AGAP1: variants seen among roughly 807,000 people sequenced by gnomAD.
AGAP1 encodes ArfGAP with GTPase domain, ankyrin repeat and PH domain 1, also known as arf-GAP with GTPase, ANK repeat and PH domain-containing protein 1.
A neutral mutation model predicts 105.3 loss-of-function variants in AGAP1; 29 were observed. The ratio of observed to expected loss-of-function variants is 0.28; its 90% CI spans 0.21 to 0.38. The LOEUF (loss-of-function observed/expected upper bound fraction) is 0.38. AGAP1 is among the 10% of genes least tolerant of loss of function. The pLI is 1.00. For synonymous variants in AGAP1, 509 were observed against 485.9 expected, an observed-to-expected ratio of 1.05 and a Z score of -0.63; for missense variants, 998 against 1,165.1, an observed-to-expected ratio of 0.86 and a Z score of 2.09.
intron 6 of AGAP1, among the ~76,000 whole-genome samples, chr2:235,764,680 C>T (rs1954770545): frequency 6.9e-6 from 1 of 145,846 alleles, no homozygotes. Flanking sequence ...GTGGGGGCAT[C>T]TGGGAGCGCC....
intron 1 of AGAP1, among the ~76,000 whole-genome samples, chr2:235,674,448 T>A (rs926726721): frequency 6.6e-6 from 1 of 152,240 alleles, no homozygotes; most frequent in Non-Finnish European, 1.5e-5. Context: ...TGGAACCAGC[T>A]GTGCTGTGAG....
chr2:236,059,700 A>G (rs976979066), intron 16 of AGAP1, among the ~76,000 whole-genome samples: 1 of 152,224 alleles, frequency 6.6e-6, no homozygotes, highest in African/African-American at 2.4e-5. Flanking sequence ...AAAAGATGCC[A>G]AGACATCTTC....
In AGAP1 at chr2:236,101,150, C is replaced by A. The variant is rs147648522; in HGVS notation, c.2115-19042C>A. Among the ~76,000 whole-genome samples the A allele has an allele frequency of 3.9e-5, 6 of 152,206 alleles. No individual in the cohort carries two copies. The highest frequency in any genetic ancestry group is 2.0e-4 in the Admixed American group (3 of 15,266). On this transcript the variant is annotated intron_variant, in intron 16 of 17. Transcript: ENST00000304032. The surrounding 1 kb of genome is among the most constrained non-coding windows in gnomAD (Gnocchi z 4.9). Reference sequence around the variant, plus strand: ...TTCAATGTGTTTCCCTTTGGTTATTCCCCACTCCCATGCCTGTCCTCTCTT... The same window carrying A: ...TTCAATGTGTTTCCCTTTGGTTATTACCCACTCCCATGCCTGTCCTCTCTT...
chr2:235,760,138 T>C (rs1296465212), intron 6 of AGAP1, among the ~76,000 whole-genome samples: 1 of 152,154 alleles, frequency 6.6e-6, no homozygotes, highest in Admixed American at 6.5e-5. Flanking sequence ...CTAAGCACTT[T>C]GGGAGGCTGA....
chr2:235,847,883 T>C (rs1261981038), intron 9 of AGAP1, among the ~76,000 whole-genome samples: 1 of 152,240 alleles, frequency 6.6e-6, no homozygotes, highest in East Asian at 1.9e-4. Context: ...TGATGGATCT[T>C]ACCAGGCGGC....
At chr2:235,763,746 T>G (rs997742954) in intron 6 of AGAP1, among the ~76,000 whole-genome samples, 2 of 152,218 alleles carry the variant, frequency 1.3e-5, no homozygotes, top group Admixed American at 6.5e-5. Flanking sequence ...ACAGAAGTAT[T>G]ATTTCATGTA....
intron 1 of AGAP1, among the ~76,000 whole-genome samples, chr2:235,554,175 A>G (rs1053385536): frequency 6.6e-6 from 1 of 152,268 alleles, no homozygotes; most frequent in African/African-American, 2.4e-5. Context: ...TTAATTTGGC[A>G]GGTAATTAGG....
At chr2:235,638,421 A>T (rs1399121521) in intron 1 of AGAP1, among the ~76,000 whole-genome samples, 1 of 152,196 alleles carries the variant, frequency 6.6e-6, no homozygotes, top group Non-Finnish European at 1.5e-5. Flanking sequence ...AGTCGTGGGG[A>T]AAACTGCAGT....
chr2:235,637,730 A>G (rs1274533138), intron 1 of AGAP1, among the ~76,000 whole-genome samples: 3 of 152,194 alleles, frequency 2.0e-5, no homozygotes, highest in East Asian at 1.9e-4. Context: ...AAGCAGAACC[A>G]TATGGAAGAG....
At chr2:235,543,155 G>GGTGTTGA (rs1943509345) in intron 1 of AGAP1, among the ~76,000 whole-genome samples, 1 of 140,916 alleles carries the variant, frequency 7.1e-6, no homozygotes, top group African/African-American at 2.6e-5. Flanking sequence ...TTGGGTGTTG[G>GGTGTTGA]GTGTTGAGTA....
At position 235,801,801 on chromosome 2, in the gene AGAP1, G is replaced by A. The variant is rs1317703646; in HGVS notation, c.957+2279G>A. Among the ~76,000 whole-genome samples the A allele has an allele frequency of 1.3e-5, 2 of 152,240 alleles. No homozygotes were observed. Among genetic ancestry groups the A allele is most frequent in the South Asian group, 2.1e-4 (1 of 4,810 alleles). ...CTTTGTTAAGGGAGTGGAAGGGGGAGAGCACTCATTCTCAGACGCCTTCTG... is the reference window on the plus strand; with the variant it reads ...CTTTGTTAAGGGAGTGGAAGGGGGAAAGCACTCATTCTCAGACGCCTTCTG... On this transcript the variant is annotated intron_variant, in intron 8 of 17. Coordinates refer to ENST00000304032, the MANE Select transcript of AGAP1 (RefSeq NM_001037131.3). The surrounding 1 kb of genome is among the most constrained non-coding windows in gnomAD (Gnocchi z 6.0).
intron 16 of AGAP1, among the ~76,000 whole-genome samples, chr2:236,088,236 G>T (rs896843157): frequency 6.6e-6 from 1 of 152,184 alleles, no homozygotes; most frequent in Non-Finnish European, 1.5e-5. Flanking sequence ...ACTGAGAGAG[G>T]CCAGCGCTGT....
intron 1 of AGAP1, among the ~76,000 whole-genome samples, chr2:235,681,450 C>T (rs1366428162): frequency 6.6e-6 from 1 of 152,172 alleles, no homozygotes; most frequent in Non-Finnish European, 1.5e-5. Flanking sequence ...GTCCTGTCAC[C>T]TTTCCTCCAG....
intron 1 of AGAP1, among the ~76,000 whole-genome samples, chr2:235,651,217 AGAG>A (rs1489078040): frequency 7.7e-6 from 1 of 130,202 alleles, no homozygotes; most frequent in Non-Finnish European, 1.6e-5. Context: ...AAAAAAAAAA[AGAG>A]ACACCCTTGC....
At position 235,563,196 on chromosome 2, in the gene AGAP1, C is replaced by T. The variant is rs554230519; in HGVS notation, c.163+68347C>T. ...TGCAGCCCCAGCATCTCATGCCTCG[C>T]ACCCTCCGAGCTGCCTGGCCTTGGC... is the stretch of plus-strand genomic sequence containing the variant. On this transcript the variant is annotated intron_variant, in intron 1 of 17. Transcript: ENST00000304032. 2.6e-5 allele frequency among the ~76,000 whole-genome samples: 4 copies of T among 152,344 alleles called. No homozygotes were observed. The South Asian group carries it at 6.2e-4, about 24-fold the overall frequency.
rs1291511118 is a variant in AGAP1 at position 235,752,190 on chromosome 2, T to C, written c.673+1702T>C. ...TTTTCATAAATAGACTTTTCTTCTT[T>C]TTTTTGGAGACAGAGTCTAGCTCTT... is the stretch of plus-strand genomic sequence containing the variant. On this transcript the variant is annotated intron_variant, in intron 6 of 17. Transcript: ENST00000304032. The surrounding 1 kb of genome is among the most constrained non-coding windows in gnomAD (Gnocchi z 4.3). Among the ~76,000 whole-genome samples the C allele has an allele frequency of 6.6e-6, 1 of 152,216 alleles. No homozygotes were observed. The highest frequency in any genetic ancestry group is 1.5e-5 in the Non-Finnish European group (1 of 68,034).
Position 235,982,640 on chromosome 2 carries a change from T to G in AGAP1, c.1645+14017T>G, listed in dbSNP as rs2055147036. Among the ~76,000 whole-genome samples the G allele has an allele frequency of 6.6e-6, 1 of 152,244 alleles. No individual in the cohort carries two copies. The highest frequency in any genetic ancestry group is 2.4e-5 in the African/African-American group (1 of 41,464). On this transcript the variant is annotated intron_variant, in intron 13 of 17. Transcript: ENST00000304032. This position sits in a 1 kb window ranked among gnomAD's most constrained non-coding sequence, Gnocchi z 4.9. The stretch of plus-strand genomic sequence containing the variant: ...GAGAAGGTTTAGGCCCTGTTTCTTT[T>G]CGAGCAGCACAGAAATACTTGCCCA...
rs1261356971 is a variant in AGAP1, at chr2:235,882,653, A to G, written c.1051-692A>G. Among the ~76,000 whole-genome samples the G allele has an allele frequency of 6.6e-6, 1 of 152,144 alleles. No homozygotes were observed. Among genetic ancestry groups the G allele is most frequent in the East Asian group, 1.9e-4 (1 of 5,184 alleles). On this transcript the variant is annotated intron_variant, in intron 9 of 17. Coordinates refer to ENST00000304032, the MANE Select transcript of AGAP1 (RefSeq NM_001037131.3). This position sits in a 1 kb window ranked among gnomAD's most constrained non-coding sequence, Gnocchi z 4.6. ...TAATTTTTGTATTTTTAGTAGAGAC[A>G]GGGTTTCACCAATATTGGCCATGGT...
chr2:235,836,646 A>G (rs927997616), intron 9 of AGAP1, among the ~76,000 whole-genome samples: 4 of 152,238 alleles, frequency 2.6e-5, no homozygotes, highest in East Asian at 1.9e-4. Context: ...GATCTGTGTC[A>G]TGCTTCAGGG....
Sources: allele counts gnomAD v4.1 joint callset (sites outside exome capture counted in the v4.1 genomes callset), GRCh38; gene constraint gnomAD v4.1.1; non-coding constraint Gnocchi (gnomAD v3.1); transcripts MANE v1.5; gene names NCBI Gene and HGNC (gene_info 2026-07-23, HGNC 2026-07-21).